The following AMZ1 variants were observed in gnomAD, a reference collection of about 807,000 sequenced individuals.
AMZ1 encodes the protein archaelysin family metallopeptidase 1, also known as archaemetzincin-1.
A neutral mutation model predicts 29.9 loss-of-function variants in AMZ1; 39 were observed. That is an observed-to-expected ratio of 1.30 (90% CI 1.01 to 1.70). AMZ1 has a LOEUF of 1.70. AMZ1 is among the 40% of genes most tolerant of loss of function. The probability of loss-of-function intolerance (pLI) is 0.00; values close to 1 mark genes in which losing one functional copy is unlikely to be tolerated. For synonymous variants in AMZ1, 458 were observed against 304.0 expected, an observed-to-expected ratio of 1.51 and a Z score of -5.27; for missense variants, 1,041 against 680.6, an observed-to-expected ratio of 1.53 and a Z score of -5.89.
At chr7:2,738,335 C>T (rs992192752) in intron 4 of AMZ1, among the ~76,000 whole-genome samples, 5 of 151,792 alleles carry the variant, frequency 3.3e-5, no homozygotes, top group South Asian at 2.1e-4. Context: ...TACAAAGTGA[C>T]GCAGGCACAA....
Position 2,718,376 on chromosome 7 carries a change from T to TTCTCGAGTCC in AMZ1, c.*5499_*5508dup, listed in dbSNP as rs1465612711. 6.6e-6 allele frequency among the ~76,000 whole-genome samples: 1 copy of TTCTCGAGTCC among 152,138 alleles called. No individual in the cohort carries two copies. Among genetic ancestry groups the TTCTCGAGTCC allele is most frequent in the Non-Finnish European group, 1.5e-5 (1 of 68,026 alleles). ...CTTCTCAGCAAAGGCCAACACGTCTTTCTCGAGTCCAAGACCATCTCCCGT... is the reference window on the plus strand; with the variant it reads ...CTTCTCAGCAAAGGCCAACACGTCTTTCTCGAGTCCTCTCGAGTCCAAGACCATCTCCCGT... On this transcript the variant is annotated 3_prime_UTR_variant, in exon 7 of 7. Transcript: ENST00000683327.
At chr7:2,684,589 C>G (rs1252162308), upstream of AMZ1, among the ~76,000 whole-genome samples, 1 of 152,252 alleles carries the variant, frequency 6.6e-6, no homozygotes, top group African/African-American at 2.4e-5. Context: ...CTAGAATAGA[C>G]TCTGACGAGG....
chr7:2,704,584 C>T (rs77151637), intron 3 of AMZ1, among the ~76,000 whole-genome samples: 3 of 136,158 alleles, frequency 2.2e-5, no homozygotes, highest in African/African-American at 6.0e-5. Context: ...TTAGCAGTGT[C>T]ACGCTTTTTT....
intron 4 of AMZ1, among the ~76,000 whole-genome samples, chr7:2,739,661 G>A (rs1790400043): frequency 6.6e-6 from 1 of 152,122 alleles, no homozygotes; most frequent in Admixed American, 6.5e-5. Flanking sequence ...GAGTGAAACT[G>A]TAGCATCCTA....
At chr7:2,758,658 C>T (rs1218768478) in intron 4 of AMZ1, among the ~76,000 whole-genome samples, 3 of 152,184 alleles carry the variant, frequency 2.0e-5, no homozygotes, top group Non-Finnish European at 2.9e-5. Flanking sequence ...CCCCACAGCA[C>T]ACTTGGAGGA....
At chr7:2,725,429 C>T (rs1470598398) in intron 4 of AMZ1, among the ~76,000 whole-genome samples, 1 of 152,272 alleles carries the variant, frequency 6.6e-6, no homozygotes, top group Non-Finnish European at 1.5e-5. Context: ...GATGCCAATA[C>T]TGCAGCCCAG....
chr7:2,703,132 A>C (rs1788157277), intron 3 of AMZ1, among the ~76,000 whole-genome samples: 1 of 152,134 alleles, frequency 6.6e-6, no homozygotes, highest in Admixed American at 6.5e-5. Context: ...GCAGAGCAGG[A>C]GAAGCGAGCC....
intron 6 of AMZ1, among the ~76,000 whole-genome samples, chr7:2,711,857 A>T (rs966255710): frequency 6.6e-6 from 1 of 152,160 alleles, no homozygotes; most frequent in Non-Finnish European, 1.5e-5. Flanking sequence ...CAGCCTGGCT[A>T]ACATGGTGAA....
At chr7:2,738,872 A>G (rs1227276471) in intron 4 of AMZ1, among the ~76,000 whole-genome samples, 1 of 152,230 alleles carries the variant, frequency 6.6e-6, no homozygotes, top group African/African-American at 2.4e-5. Flanking sequence ...GTGAAAGTAC[A>G]GAGGAGCTGG....
Position 2,714,406 on chromosome 7 carries a change from T to G in AMZ1, c.*1528T>G, listed in dbSNP as rs1040533287. Reference sequence around the variant, plus strand: ...GGTCCTGGTCCCACTCCGTGTTGACTTCAGAGAAGCAAAGATGCAGCTCAG... The same window carrying G: ...GGTCCTGGTCCCACTCCGTGTTGACGTCAGAGAAGCAAAGATGCAGCTCAG... On this transcript the variant is annotated 3_prime_UTR_variant, in exon 7 of 7. Transcript: ENST00000683327. The G allele has an allele frequency of 2.0e-5, 3 of 152,350 alleles. 1 individual carries two copies. Among genetic ancestry groups the G allele is most frequent in the Non-Finnish European group, 1.5e-5 (1 of 68,052 alleles). The allele number at this position is 152,350 out of a possible 1,614,324, so 9.4% of individuals were successfully genotyped here.
upstream of AMZ1, among the ~76,000 whole-genome samples, chr7:2,686,906 G>T (rs1041194490): frequency 6.6e-6 from 1 of 151,576 alleles, no homozygotes; most frequent in Non-Finnish European, 1.5e-5. Context: ...ATAGAGACGG[G>T]GTTTGACCAT....
At chr7:2,709,045 G>C (rs969206171) in intron 4 of AMZ1, 30 bp from the exon 5 acceptor site, 1 of 1,539,192 alleles carries the variant, frequency 6.5e-7, no homozygotes. Context: ...GCTGACCCCT[G>C]AGAGTGCCCT....
rs1000503631 is a variant in AMZ1, at chr7:2,747,718, A to C, written n.551-16994A>C. On this transcript the variant is annotated intron_variant and non_coding_transcript_variant, in intron 4 of 4. Transcript: ENST00000489665. ...ATAAAGGGTATTCAATTAGGAAAAG[A>C]GGAAGTCAAATTGTCCCTGTTTGCA... 2.0e-5 allele frequency among the ~76,000 whole-genome samples: 3 copies of C among 152,246 alleles called. No individual in the cohort carries two copies. In the East Asian group the frequency reaches 5.8e-4, roughly 29 times the overall value.
rs1789261480 is a variant in AMZ1 at position 2,718,507 on chromosome 7, G to A, written c.*5629G>A. Among the ~76,000 whole-genome samples the A allele has an allele frequency of 6.6e-6, 1 of 152,226 alleles. No homozygotes were observed. Among genetic ancestry groups the A allele is most frequent in the Non-Finnish European group, 1.5e-5 (1 of 68,048 alleles). On this transcript the variant is annotated 3_prime_UTR_variant, in exon 7 of 7. Coordinates refer to ENST00000683327, the MANE Select transcript of AMZ1 (RefSeq NM_001384743.1). ...CGTGTTTTGTTCAGCCCTGACTCTT[G>A]GACGCTGGTGGCAGCCGCGGGCGCC... is the stretch of plus-strand genomic sequence containing the variant.
chr7:2,684,543 C>T (rs1056081611), upstream of AMZ1, among the ~76,000 whole-genome samples: 2 of 152,208 alleles, frequency 1.3e-5, no homozygotes, highest in African/African-American at 4.8e-5. Context: ...TTGTTCATCA[C>T]TGAAAGGACA....
At chr7:2,708,195 T>G (rs1788483821) in intron 3 of AMZ1, among the ~76,000 whole-genome samples, 1 of 152,182 alleles carries the variant, frequency 6.6e-6, no homozygotes, top group Non-Finnish European at 1.5e-5. Flanking sequence ...CCAAGATCTT[T>G]AATCATCTGC....
rs538972171 is a variant in AMZ1, at chr7:2,749,205, T to C, written n.551-15507T>C. 2.6e-5 allele frequency among the ~76,000 whole-genome samples: 4 copies of C among 152,278 alleles called. No homozygotes were observed. In the East Asian group the frequency reaches 5.8e-4, roughly 22 times the overall value. ...TAAATCATGCTGCTATAAAGACACA[T>C]GCACACGTGTGTTTATTGCGGCACT... On this transcript the variant is annotated intron_variant and non_coding_transcript_variant, in intron 4 of 4. Transcript: ENST00000489665.
In AMZ1 at chr7:2,716,439, G is replaced by A. The variant is rs753043078; in HGVS notation, c.*3561G>A. Reference sequence around the variant, plus strand: ...CCCGTTTCCAGAGCATGGGTGAGGAGGGAGGGATGCCGACCTGTTAATATT... The same window carrying A: ...CCCGTTTCCAGAGCATGGGTGAGGAAGGAGGGATGCCGACCTGTTAATATT... On this transcript the variant is annotated 3_prime_UTR_variant, in exon 7 of 7. Transcript: ENST00000683327. 2 of 152,254 alleles carry A rather than the reference G, an allele frequency of 1.3e-5. No individual in the cohort carries two copies. Among genetic ancestry groups the A allele is most frequent in the Non-Finnish European group, 2.9e-5 (2 of 68,072 alleles). 9.4% of individuals were successfully genotyped at this position (152,254 alleles called of 1,614,324 possible).
chr7:2,757,927 C>CA (rs1032733803), intron 4 of AMZ1, among the ~76,000 whole-genome samples: 17 of 152,168 alleles, frequency 1.1e-4, no homozygotes, highest in Non-Finnish European at 1.8e-4. Flanking sequence ...GCTGTCCCCA[C>CA]ATCAGAATAG....
Sources: allele counts gnomAD v4.1 joint callset (sites outside exome capture counted in the v4.1 genomes callset), GRCh38; gene constraint gnomAD v4.1.1; transcripts MANE v1.5; gene names NCBI Gene and HGNC (gene_info 2026-07-23, HGNC 2026-07-21).